UNC5C: variants seen among roughly 807,000 people sequenced by gnomAD.
UNC5C encodes netrin receptor UNC5C.
A neutral mutation model predicts 99.8 loss-of-function variants in UNC5C; 47 were observed. That is an observed-to-expected ratio of 0.47 (90% CI 0.37 to 0.60). The LOEUF (loss-of-function observed/expected upper bound fraction) is 0.60. Among genes scored for constraint, UNC5C ranks in the 20% least tolerant of loss-of-function variants. The pLI is 0.00. For synonymous variants in UNC5C, 487 were observed against 452.2 expected, an observed-to-expected ratio of 1.08 and a Z score of -0.98; for missense variants, 1,062 against 1,165.9, an observed-to-expected ratio of 0.91 and a Z score of 1.30.
chr4:95,184,789 A>T (rs945958180), intron 13 of UNC5C, among the ~76,000 whole-genome samples: 4 of 152,178 alleles, frequency 2.6e-5, no homozygotes, highest in African/African-American at 9.7e-5. Context: ...AAATTAATTG[A>T]AATGATGGAT....
intron 1 of UNC5C, among the ~76,000 whole-genome samples, chr4:95,385,414 A>G (rs193002877): frequency 3.3e-4 from 51 of 152,340 alleles, no homozygotes; most frequent in Admixed American, 5.2e-4. Flanking sequence ...AATAAGTAAC[A>G]ACTAAAGCCA....
At chr4:95,231,884 GACA>G (rs1251471830) in intron 7 of UNC5C, among the ~76,000 whole-genome samples, 2 of 152,120 alleles carry the variant, frequency 1.3e-5, no homozygotes, top group Non-Finnish European at 2.9e-5. Context: ...CCTAGGACAT[GACA>G]ACAACAATTA....
At chr4:95,342,435 G>A (rs1743614267) in intron 1 of UNC5C, among the ~76,000 whole-genome samples, 1 of 152,076 alleles carries the variant, frequency 6.6e-6, no homozygotes. Flanking sequence ...CTACCTTGAA[G>A]GGAAGGACCA....
At chr4:95,219,950 T>C in intron 8 of UNC5C, 35 bp downstream of exon 8, 1 of 1,593,966 alleles carries the variant, frequency 6.3e-7, no homozygotes, top group African/African-American at 1.3e-5. Flanking sequence ...CTTACATGCA[T>C]AAGTAACAGG....
intron 1 of UNC5C, among the ~76,000 whole-genome samples, chr4:95,523,461 G>A (rs1231585856): frequency 6.6e-6 from 1 of 152,102 alleles, no homozygotes; most frequent in Non-Finnish European, 1.5e-5. Context: ...TAGCAGAAAC[G>A]GGCACTAGGA....
intron 12 of UNC5C, among the ~76,000 whole-genome samples, chr4:95,200,510 T>G (rs1236962696): frequency 1.3e-5 from 2 of 152,246 alleles, no homozygotes; most frequent in Admixed American, 1.3e-4. Context: ...AAACTTTCTG[T>G]GCCTTGGATG....
At chr4:95,508,225 A>G (rs1162246358) in intron 1 of UNC5C, among the ~76,000 whole-genome samples, 1 of 152,044 alleles carries the variant, frequency 6.6e-6, no homozygotes, top group South Asian at 2.1e-4. Flanking sequence ...CCACTAGGCT[A>G]TAGACCCTGG....
At chr4:95,204,048 GA>G (rs1421565118) in intron 11 of UNC5C, among the ~76,000 whole-genome samples, 1 of 152,086 alleles carries the variant, frequency 6.6e-6, no homozygotes. Flanking sequence ...GAGCTCACAA[GA>G]AGGAGCTCAG....
At chr4:95,347,874 A>C (rs893093130) in intron 1 of UNC5C, among the ~76,000 whole-genome samples, 3 of 152,082 alleles carry the variant, frequency 2.0e-5, no homozygotes, top group Non-Finnish European at 2.9e-5. Flanking sequence ...ATAATACCTT[A>C]CAAGCACAGG....
At chr4:95,410,850 C>T (rs149874830) in intron 1 of UNC5C, among the ~76,000 whole-genome samples, 66 of 152,292 alleles carry the variant, frequency 4.3e-4, no homozygotes, top group Non-Finnish European at 7.6e-4. Flanking sequence ...GGACACTCAG[C>T]CTAGCTCTGC....
At chr4:95,254,996 GT>G (rs545985223) in intron 4 of UNC5C, among the ~76,000 whole-genome samples, 91 of 141,518 alleles carry the variant, frequency 6.4e-4, no homozygotes, top group Middle Eastern at 3.8e-3. Context: ...GTTGTTTTTT[GT>G]TTTTTTTTTT....
chr4:95,487,146 T>C (rs1241738026), intron 1 of UNC5C, among the ~76,000 whole-genome samples: 1 of 151,756 alleles, frequency 6.6e-6, no homozygotes, highest in Non-Finnish European at 1.5e-5. Flanking sequence ...TTCTGTGGTA[T>C]TCTGTTATAG....
At chr4:95,514,864 G>A (rs1048960483) in intron 1 of UNC5C, among the ~76,000 whole-genome samples, 1 of 151,234 alleles carries the variant, frequency 6.6e-6, no homozygotes, top group African/African-American at 2.4e-5. Flanking sequence ...GGTAGAGACG[G>A]GGTTTCACCA....
intron 2 of UNC5C, among the ~76,000 whole-genome samples, chr4:95,323,024 T>C (rs1742751253): frequency 6.6e-6 from 1 of 151,456 alleles, no homozygotes; most frequent in Non-Finnish European, 1.5e-5. Flanking sequence ...ACAATCACCA[T>C]GAATGTAATG....
At chr4:95,392,222 T>C (rs1745383073) in intron 1 of UNC5C, among the ~76,000 whole-genome samples, 1 of 152,136 alleles carries the variant, frequency 6.6e-6, no homozygotes, top group Non-Finnish European at 1.5e-5. Flanking sequence ...CTTCACTCCC[T>C]AGAAACTTAG....
intron 1 of UNC5C, among the ~76,000 whole-genome samples, chr4:95,461,780 G>A (rs1234534345): frequency 2.6e-5 from 4 of 152,188 alleles, no homozygotes; most frequent in Admixed American, 6.5e-5. Flanking sequence ...CAAGCAGGAA[G>A]TCAATCAGAG....
chr4:95,547,339 T>G (rs560828805), intron 1 of UNC5C, among the ~76,000 whole-genome samples: 53 of 152,078 alleles, frequency 3.5e-4, no homozygotes, highest in African/African-American at 1.3e-3. Flanking sequence ...CACTTACCTC[T>G]CCACCCAGAC....
chr4:95,243,357 A>G (rs919755963), intron 6 of UNC5C, among the ~76,000 whole-genome samples: 8 of 152,164 alleles, frequency 5.3e-5, no homozygotes, highest in Admixed American at 2.0e-4. Flanking sequence ...ATGAACTTAG[A>G]TATCTCTATT....
At chr4:95,372,210 A>C (rs771856889) in intron 1 of UNC5C, among the ~76,000 whole-genome samples, 9 of 152,174 alleles carry the variant, frequency 5.9e-5, no homozygotes, top group Non-Finnish European at 1.3e-4. Flanking sequence ...AAATTCACTA[A>C]ATATGCCCGT....
Sources: gnomAD v4.1 joint callset for allele counts (sites outside exome capture counted in the v4.1 genomes callset) on GRCh38, gnomAD v4.1.1 for gene constraint, MANE v1.5 for transcripts, NCBI Gene and HGNC (gene_info 2026-07-23, HGNC 2026-07-21) for gene names.